Variants in PTPRK observed in about 807,000 individuals in gnomAD.
PTPRK encodes the protein protein tyrosine phosphatase receptor type K, also known as receptor-type tyrosine-protein phosphatase kappa.
Under a neutral mutation model 178.0 loss-of-function variants are expected in PTPRK, and 75 were observed. That is an observed-to-expected ratio of 0.42 (90% CI 0.35 to 0.51). PTPRK has a LOEUF of 0.51. Among genes scored for constraint, PTPRK ranks in the 20% least tolerant of loss-of-function variants. The pLI is 0.02. For missense variants in PTPRK, 1,441 were observed against 1,797.8 expected (o/e 0.80, Z 3.59); for synonymous variants, 637 against 620.6 (o/e 1.03, Z -0.39).
rs1055393686 is a variant in PTPRK, at chr6:128,117,841, T to C, written c.1163-27849A>G. ...CTAAGTTTTGAATTTTTAGTAGAGA[T>C]GGGGTTTTACCATGTTGGCCAGACT... On this transcript the variant is annotated intron_variant, in intron 7 of 29. Transcript: ENST00000368226. 3.3e-5 allele frequency among the ~76,000 whole-genome samples: 5 copies of C among 151,982 alleles called. No individual in the cohort carries two copies. The South Asian group carries it at 1.0e-3, about 32-fold the overall frequency.
intron 3 of PTPRK, among the ~76,000 whole-genome samples, chr6:128,283,102 C>T (rs964595621): frequency 8.5e-5 from 13 of 152,136 alleles, no homozygotes; most frequent in African/African-American, 2.9e-4. Context: ...CTGATTTCTC[C>T]AGGAAGGTGA....
intron 10 of PTPRK, among the ~76,000 whole-genome samples, chr6:128,081,341 A>T (rs1784779532): frequency 6.7e-6 from 1 of 148,726 alleles, no homozygotes. Flanking sequence ...TATTAAGATA[A>T]ATCAAATGCT....
At chr6:128,352,573 C>A (rs1201791261) in intron 2 of PTPRK, among the ~76,000 whole-genome samples, 2 of 152,100 alleles carry the variant, frequency 1.3e-5, no homozygotes, top group Non-Finnish European at 1.5e-5. Flanking sequence ...CCATACTGAA[C>A]TTTTTTTATT....
chr6:128,018,889 T>C (rs1267594896), intron 13 of PTPRK, among the ~76,000 whole-genome samples: 2 of 152,130 alleles, frequency 1.3e-5, no homozygotes, highest in African/African-American at 4.8e-5. Context: ...AATTATCTGA[T>C]GGGTACAAAA....
chr6:128,375,335 A>T (rs374709594), intron 2 of PTPRK, among the ~76,000 whole-genome samples: 1 of 151,942 alleles, frequency 6.6e-6, no homozygotes, highest in East Asian at 1.9e-4. Context: ...GGCAGAAGGC[A>T]AGGAGGAGCA....
intron 1 of PTPRK, among the ~76,000 whole-genome samples, chr6:128,462,301 A>T (rs1849155319): frequency 6.6e-6 from 1 of 152,248 alleles, no homozygotes; most frequent in South Asian, 2.1e-4. Context: ...TAAATTTGCT[A>T]GTAAACTGTA....
chr6:128,307,457 A>G (rs1447611527), intron 3 of PTPRK, among the ~76,000 whole-genome samples: 1 of 146,292 alleles, frequency 6.8e-6, no homozygotes, highest in Non-Finnish European at 1.5e-5. Context: ...TTTTATTTGT[A>G]AAGTAAAAAA....
chr6:128,187,487 A>G (rs2114707649), intron 6 of PTPRK, among the ~76,000 whole-genome samples: 1 of 152,292 alleles, frequency 6.6e-6, no homozygotes, highest in South Asian at 2.1e-4. Flanking sequence ...TATTTGAAGA[A>G]TTTTTGAAGA....
At chr6:128,003,944 T>C (rs1045270132) in intron 15 of PTPRK, among the ~76,000 whole-genome samples, 1 of 151,852 alleles carries the variant, frequency 6.6e-6, no homozygotes, top group Non-Finnish European at 1.5e-5. Flanking sequence ...GGTATACATA[T>C]ATACATAGAA....
intron 1 of PTPRK, among the ~76,000 whole-genome samples, chr6:128,440,100 C>A (rs1402174698): frequency 6.6e-6 from 1 of 152,154 alleles, no homozygotes; most frequent in Non-Finnish European, 1.5e-5. Context: ...ACTGTTCATA[C>A]ATGTGGATTT....
At chr6:128,237,830 G>GTT (rs111501452) in intron 5 of PTPRK, among the ~76,000 whole-genome samples, 2 of 150,810 alleles carry the variant, frequency 1.3e-5, no homozygotes, top group East Asian at 1.9e-4. Flanking sequence ...GCTTTATTAT[G>GTT]TTTTTTTTTA....
chr6:128,341,979 G>A (rs1429489156), intron 2 of PTPRK, among the ~76,000 whole-genome samples: 1 of 152,114 alleles, frequency 6.6e-6, no homozygotes, highest in South Asian at 2.1e-4. Context: ...ACGGCCAGTC[G>A]CAGTGGCTCA....
intron 1 of PTPRK, among the ~76,000 whole-genome samples, chr6:128,419,833 G>A (rs545044762): frequency 1.4e-4 from 21 of 152,270 alleles, no homozygotes; most frequent in Admixed American, 3.9e-4. Flanking sequence ...CAATAATAGC[G>A]AGAAGAGTAT....
intron 13 of PTPRK, among the ~76,000 whole-genome samples, chr6:128,030,272 G>A (rs796900979): frequency 2.0e-5 from 3 of 152,272 alleles, no homozygotes; most frequent in African/African-American, 7.2e-5. Flanking sequence ...TTGGTAAAAG[G>A]GATCTGGCCA....
intron 3 of PTPRK, among the ~76,000 whole-genome samples, chr6:128,285,953 C>T (rs916718532): frequency 3.3e-5 from 5 of 152,092 alleles, no homozygotes; most frequent in Non-Finnish European, 2.9e-5. Flanking sequence ...CTGCCTTGTT[C>T]GAACCGTGAT....
chr6:128,074,824 GTGGT>G (rs1389004337), intron 11 of PTPRK, among the ~76,000 whole-genome samples: 2 of 151,996 alleles, frequency 1.3e-5, no homozygotes, highest in African/African-American at 4.8e-5. Context: ...ATTTTTCACT[GTGGT>G]CATTACTTCT....
At chr6:128,032,114 C>T (rs1775440717) in intron 13 of PTPRK, among the ~76,000 whole-genome samples, 1 of 152,178 alleles carries the variant, frequency 6.6e-6, no homozygotes, top group Admixed American at 6.5e-5. Flanking sequence ...TGATTTTGAC[C>T]TGCGACCTAT....
chr6:128,038,178 C>T lies in PTPRK; in HGVS notation c.2194+26580G>A, dbSNP rs554765193. Among the ~76,000 whole-genome samples the T allele has an allele frequency of 3.6e-4, 55 of 152,138 alleles. No homozygotes were observed. The East Asian group carries it at 9.8e-3, about 27-fold the overall frequency. On this transcript the variant is annotated intron_variant, in intron 13 of 29. Coordinates refer to ENST00000368226, the MANE Select transcript of PTPRK (RefSeq NM_002844.4). ...TTTTTTTTCTAACTTGGTTATATAT[C>T]TTGGAAGAGATGCAGCAATTTTTTT...
chr6:128,192,970 T>C (rs1804107841), intron 6 of PTPRK, among the ~76,000 whole-genome samples: 1 of 151,544 alleles, frequency 6.6e-6, no homozygotes, highest in African/African-American at 2.4e-5. Flanking sequence ...AGGAAAAAAC[T>C]ACGTAAATTC....
Sources: gnomAD v4.1 joint callset for allele counts (sites outside exome capture counted in the v4.1 genomes callset) on GRCh38, gnomAD v4.1.1 for gene constraint, MANE v1.5 for transcripts, NCBI Gene and HGNC (gene_info 2026-07-23, HGNC 2026-07-21) for gene names.